The following WFS1 variants were observed in gnomAD, a reference collection of about 807,000 sequenced individuals.
WFS1 encodes wolframin ER transmembrane glycoprotein, also known as wolframin.
WFS1 carries 90 observed loss-of-function variants against 68.5 expected under a neutral mutation model. The ratio of observed to expected loss-of-function variants is 1.31; its 90% CI spans 1.11 to 1.56. The LOEUF (loss-of-function observed/expected upper bound fraction) is 1.56. WFS1 is among the 40% of genes most tolerant of loss of function. The probability of loss-of-function intolerance (pLI) is 0.00; values close to 1 mark genes in which losing one functional copy is unlikely to be tolerated. For missense variants in WFS1, 1,767 were observed against 1,232.6 expected, an observed-to-expected ratio of 1.43 and a Z score of -6.49; for synonymous variants, 860 against 540.7, an observed-to-expected ratio of 1.59 and a Z score of -8.19.
intron 7 of WFS1, among the ~76,000 whole-genome samples, chr4:6,299,341 G>C (rs890618597): frequency 2.6e-5 from 4 of 152,220 alleles, no homozygotes; most frequent in Non-Finnish European, 5.9e-5. Context: ...GCTGCATGCA[G>C]AGCAGGGGAG....
chr4:6,297,616 G>C (rs1394936219), intron 7 of WFS1, among the ~76,000 whole-genome samples: 1 of 152,144 alleles, frequency 6.6e-6, no homozygotes, highest in East Asian at 1.9e-4. Context: ...TTCTTCACGG[G>C]TCCGCTGGGC....
intron 6 of WFS1, among the ~76,000 whole-genome samples, chr4:6,294,305 G>C (rs1275458473): frequency 2.0e-5 from 3 of 152,078 alleles, no homozygotes; most frequent in African/African-American, 7.2e-5. Context: ...GGGGTCAGTG[G>C]GCACGTAGCT....
chr4:6,299,937 CGTGT>C (rs1560416890), intron 7 of WFS1, among the ~76,000 whole-genome samples: 1 of 88,228 alleles, frequency 1.1e-5, no homozygotes. Flanking sequence ...TGTGTGAATG[CGTGT>C]GTGTAGGGGT....
At position 6,302,715 on chromosome 4, in the gene WFS1, T is replaced by G; in HGVS notation, c.*247T>G. 1 of 611,650 alleles carries G rather than the reference T, an allele frequency of 1.6e-6. No individual in the cohort carries two copies. The highest frequency in any genetic ancestry group is 2.8e-6 in the Non-Finnish European group (1 of 354,276). 37.9% of individuals were successfully genotyped at this position (611,650 alleles called of 1,614,324 possible). A position where few individuals can be genotyped will look rare whatever the true frequency, so the allele number is the denominator to read the frequency against. On this transcript the variant is annotated 3_prime_UTR_variant, in exon 8 of 8. Coordinates refer to ENST00000226760, the MANE Select transcript of WFS1 (RefSeq NM_006005.3). Reference sequence around the variant, plus strand: ...GCCATCTCCACCCTGAGCCTGACCTTTCTGAGTGACATGGGTGTGCCAGGC... The same window carrying G: ...GCCATCTCCACCCTGAGCCTGACCTGTCTGAGTGACATGGGTGTGCCAGGC...
At chr4:6,288,122 C>A (rs1730362708) in intron 3 of WFS1, among the ~76,000 whole-genome samples, 1 of 149,608 alleles carries the variant, frequency 6.7e-6, no homozygotes, top group South Asian at 2.1e-4. Flanking sequence ...GAGGCTGAGA[C>A]AGGAAAATCA....
chr4:6,280,006 C>T (rs1730111038), intron 2 of WFS1, among the ~76,000 whole-genome samples: 1 of 152,252 alleles, frequency 6.6e-6, no homozygotes, highest in South Asian at 2.1e-4. Context: ...GGCAAGTCAC[C>T]TGCCACCTGG....
In WFS1 at chr4:6,301,045, TC is replaced by T; in HGVS notation, c.1251del (p.Ser418ProfsTer24). 1.9e-6 allele frequency: 3 copies of T among 1,613,970 alleles called. No homozygotes were observed. Among genetic ancestry groups the T allele is most frequent in the Non-Finnish European group, 2.5e-6 (3 of 1,180,002 alleles). ...HFLLSVFFVIFSFPIASKDCI... is the reference protein window; with the variant it reads ...HFLLSVFFVIXSFPIASKDCI... ...CTGCTCTCTGTCTTCTTCGTCATCTTCTCCTTCCCCATCGCCAGCAAGGACT... is the reference window on the plus strand; with the variant it reads ...CTGCTCTCTGTCTTCTTCGTCATCTTTCCTTCCCCATCGCCAGCAAGGACT... On this transcript the variant is annotated frameshift_variant, in exon 8 of 8. Transcript: ENST00000226760. LOFTEE classifies it high-confidence loss of function.
At chr4:6,292,313 G>A (rs948953118) in intron 6 of WFS1, among the ~76,000 whole-genome samples, 2 of 152,270 alleles carry the variant, frequency 1.3e-5, no homozygotes, top group African/African-American at 4.8e-5. Context: ...AATACTGGGG[G>A]TGGGGACTGG....
chr4:6,299,754 T>G (rs1306059063), intron 7 of WFS1, among the ~76,000 whole-genome samples: 63 of 141,482 alleles, frequency 4.5e-4, no homozygotes, highest in Non-Finnish European at 6.9e-4. Flanking sequence ...TGTGTGTGTG[T>G]AGGGGTGGGT....
At chr4:6,300,544 C>T (rs1158744656) in intron 7 of WFS1, 113 bp from the exon 8 acceptor site, 34 of 1,510,212 alleles carry the variant, frequency 2.3e-5, no homozygotes, top group South Asian at 2.0e-4. Context: ...GATGGGAAAA[C>T]GCAAGGGTGC....
At chr4:6,279,140 C>T (rs1730082686) in intron 2 of WFS1, among the ~76,000 whole-genome samples, 1 of 152,212 alleles carries the variant, frequency 6.6e-6, no homozygotes, top group Admixed American at 6.5e-5. Context: ...AGGCCTGGCC[C>T]TGCATGCCCA....
intron 6 of WFS1, 146 bp from the exon 7 acceptor site, chr4:6,294,895 C>T (rs1730582694): frequency 2.2e-6 from 3 of 1,394,010 alleles, no homozygotes; most frequent in South Asian, 2.4e-5. Flanking sequence ...CCTCAGGCCG[C>T]CCAGGGAAGG....
Position 6,292,752 on chromosome 4 carries a change from A to G in WFS1, c.712+755A>G, listed in dbSNP as rs115330790. On this transcript the variant is annotated intron_variant, in intron 6 of 7. Coordinates refer to ENST00000226760, the MANE Select transcript of WFS1 (RefSeq NM_006005.3). ...GTCTGCCACAGACTCTTCTTGTGAC[A>G]TGGGCAGGTCTCATTTTTCTTTCTG... is the stretch of plus-strand genomic sequence containing the variant. Among the ~76,000 whole-genome samples the G allele has an allele frequency of 2.4e-3, 367 of 152,288 alleles. 3 individuals are homozygous for G. Among genetic ancestry groups the G allele is most frequent in the African/African-American group, 7.4e-3 (307 of 41,568 alleles).
intron 7 of WFS1, among the ~76,000 whole-genome samples, chr4:6,300,242 C>T (rs1240615912): frequency 6.6e-6 from 1 of 152,128 alleles, no homozygotes; most frequent in Non-Finnish European, 1.5e-5. Flanking sequence ...TGCTGTAGTG[C>T]AGAGCTGGGT....
Position 6,302,859 on chromosome 4 carries a change from C to G in WFS1, c.*391C>G, listed in dbSNP as rs1731012726. On this transcript the variant is annotated 3_prime_UTR_variant, in exon 8 of 8. Coordinates refer to ENST00000226760, the MANE Select transcript of WFS1 (RefSeq NM_006005.3). ...TTTTGTGTTGGATTTGTTTAAAAACCAAATAAGCATCTGTGTAACCTCCAC... is the reference window on the plus strand; with the variant it reads ...TTTTGTGTTGGATTTGTTTAAAAACGAAATAAGCATCTGTGTAACCTCCAC... 3.3e-6 allele frequency: 1 copy of G among 303,518 alleles called. No homozygotes were observed. Among genetic ancestry groups the G allele is most frequent in the African/African-American group, 2.2e-5 (1 of 46,320 alleles). The allele number at this position is 303,518 out of a possible 1,614,324, so 18.8% of individuals were successfully genotyped here. A position where few individuals can be genotyped will look rare whatever the true frequency, so the allele number is the denominator to read the frequency against.
At chr4:6,277,297 C>T (rs1431542931) in intron 1 of WFS1, among the ~76,000 whole-genome samples, 154 bp from the exon 2 acceptor site, 1 of 152,250 alleles carries the variant, frequency 6.6e-6, no homozygotes, top group East Asian at 1.9e-4. Context: ...GCGGTGCTGG[C>T]CCATGGGGAC....
intron 1 of WFS1, among the ~76,000 whole-genome samples, chr4:6,271,211 C>T (rs112734131): frequency 0.014 from 2,204 of 152,328 alleles, 64 homozygotes; most frequent in African/African-American, 0.05. Flanking sequence ...ATGGGGTCTC[C>T]GTTGTATCCA....
At chr4:6,298,150 G>A (rs1052606580) in intron 7 of WFS1, among the ~76,000 whole-genome samples, 10 of 152,228 alleles carry the variant, frequency 6.6e-5, no homozygotes, top group Non-Finnish European at 1.0e-4. Flanking sequence ...TGGCGGGCCA[G>A]GCCACCTTTA....
intron 6 of WFS1, among the ~76,000 whole-genome samples, chr4:6,293,046 G>A (rs1210274899): frequency 2.6e-5 from 4 of 152,314 alleles, no homozygotes; most frequent in African/African-American, 7.2e-5. Flanking sequence ...GAAGAAATCT[G>A]TGACTCTAGG....
Sources: allele counts gnomAD v4.1 joint callset (sites outside exome capture counted in the v4.1 genomes callset), GRCh38; gene constraint gnomAD v4.1.1; transcripts MANE v1.5; gene names NCBI Gene and HGNC (gene_info 2026-07-23, HGNC 2026-07-21).